Variants in MYCBP2 observed in about 807,000 individuals in gnomAD.
MYCBP2 encodes the protein MYC binding protein 2, also known as E3 ubiquitin-protein ligase MYCBP2.
MYCBP2 carries 120 observed loss-of-function variants against 525.3 expected under a neutral mutation model. The observed-to-expected ratio is 0.23, with a 90% CI of 0.20 to 0.27. The LOEUF is 0.27. MYCBP2 is among the 10% of genes least tolerant of loss of function. MYCBP2 has a pLI of 1.00. For missense variants in MYCBP2, 4,149 were observed against 5,657.1 expected (o/e 0.73, Z 8.55); for synonymous variants, 1,894 against 1,955.8 (o/e 0.97, Z 0.83).
intron 2 of MYCBP2, among the ~76,000 whole-genome samples, chr13:77,294,688 G>A (rs1365304518): frequency 6.6e-6 from 1 of 152,160 alleles, no homozygotes; most frequent in Non-Finnish European, 1.5e-5. Flanking sequence ...AGGGATAGAG[G>A]TTGGAATGAC....
chr13:77,305,134 T>C lies in MYCBP2; in HGVS notation c.303-8460A>G, dbSNP rs140293207. On this transcript the variant is annotated intron_variant, in intron 1 of 82. Coordinates refer to ENST00000544440, the MANE Select transcript of MYCBP2 (RefSeq NM_015057.5). ...ATCAATGTTAGACTCTTTTAGACAATATAAAAAGAAGAAACATTTCCCAAC... is the reference window on the plus strand; with the variant it reads ...ATCAATGTTAGACTCTTTTAGACAACATAAAAAGAAGAAACATTTCCCAAC... Among the ~76,000 whole-genome samples the C allele has an allele frequency of 8.7e-3, 1,326 of 152,074 alleles. 21 individuals are homozygous for C. The highest frequency in any genetic ancestry group is 0.03 in the African/African-American group (1,235 of 41,524).
chr13:77,121,577 G>A lies in MYCBP2; in HGVS notation c.8018-82C>T, dbSNP rs956330871. 1.0e-5 allele frequency: 13 copies of A among 1,293,276 alleles called. No homozygotes were observed. The African/African-American group carries it at 2.0e-4, about 20-fold the overall frequency. 80.1% of individuals were successfully genotyped at this position (1,293,276 alleles called of 1,614,324 possible). A position where few individuals can be genotyped will look rare whatever the true frequency, so the allele number is the denominator to read the frequency against. ...ACAACAAAGAGAGAAAATTGCAAAA[G>A]ATTTTATGATGGTTAGATTTTAAAA... On this transcript the variant is annotated intron_variant, in intron 54 of 82. Coordinates refer to ENST00000544440, the MANE Select transcript of MYCBP2 (RefSeq NM_015057.5).
At chr13:77,100,118 A>T (rs759327951) in intron 55 of MYCBP2, 3 of 152,088 alleles carry the variant, frequency 2.0e-5, no homozygotes, top group Non-Finnish European at 4.4e-5. Context: ...AAGTATTTAT[A>T]TTTTTTCAAA....
chr13:77,046,982 G>A (rs367752994), intron 82 of MYCBP2, among the ~76,000 whole-genome samples: 1 of 152,290 alleles, frequency 6.6e-6, no homozygotes, highest in East Asian at 1.9e-4. Flanking sequence ...TATCAATGGT[G>A]GTGACACAAA....
intron 28 of MYCBP2, among the ~76,000 whole-genome samples, chr13:77,190,660 T>C (rs957852109): frequency 6.6e-6 from 1 of 152,152 alleles, no homozygotes; most frequent in Non-Finnish European, 1.5e-5. Flanking sequence ...AGCTGCATGA[T>C]AAGCTTTAGC....
chr13:77,309,578 T>C (rs180864595), intron 1 of MYCBP2, among the ~76,000 whole-genome samples: 238 of 152,338 alleles, frequency 1.6e-3, no homozygotes, highest in African/African-American at 5.4e-3. Context: ...TCTATCTAGA[T>C]GAAAATCATT....
intron 78 of MYCBP2, 62 bp from the exon 79 acceptor site, chr13:77,057,155 G>T: frequency 8.3e-7 from 1 of 1,201,646 alleles, no homozygotes. Context: ...TTGAGTGACT[G>T]GGAGATTATT....
intron 52 of MYCBP2, among the ~76,000 whole-genome samples, chr13:77,128,011 C>A (rs947207088): frequency 2.6e-5 from 4 of 151,660 alleles, no homozygotes; most frequent in African/African-American, 9.7e-5. Flanking sequence ...GGAAATTTAA[C>A]GGAAATGAGA....
In MYCBP2 at chr13:77,326,410, CG is replaced by C; in HGVS notation, c.302+63del. 1 of 1,454,582 alleles carries C rather than the reference CG, an allele frequency of 6.9e-7. No homozygotes were observed. The highest frequency in any genetic ancestry group is 9.1e-7 in the Non-Finnish European group (1 of 1,100,446). 90.1% of individuals were successfully genotyped at this position (1,454,582 alleles called of 1,614,324 possible). A position where few individuals can be genotyped will look rare whatever the true frequency, so the allele number is the denominator to read the frequency against. On this transcript the variant is annotated intron_variant, in intron 1 of 82. Transcript: ENST00000544440. The surrounding 1 kb of genome is among the most constrained non-coding windows in gnomAD (Gnocchi z 4.2). The stretch of plus-strand genomic sequence containing the variant: ...GCAAGCACACACACACGCGGGTGCA[CG>C]CGCGGCATGGGGCGCAAGGAAGGGC...
At chr13:77,048,592 T>C (rs976992969) in intron 82 of MYCBP2, among the ~76,000 whole-genome samples, 11 of 152,174 alleles carry the variant, frequency 7.2e-5, no homozygotes. Flanking sequence ...AGAGTATACC[T>C]CAATCTCAGT....
At chr13:77,070,843 T>G in intron 68 of MYCBP2, 132 bp from the exon 69 acceptor site, 1 of 538,566 alleles carries the variant, frequency 1.9e-6, no homozygotes, top group Admixed American at 3.6e-5. Context: ...TTATTTTAAA[T>G]TGAGGCTTAT....
intron 55 of MYCBP2, among the ~76,000 whole-genome samples, chr13:77,108,434 A>G (rs1210357925): frequency 6.6e-6 from 1 of 152,194 alleles, no homozygotes; most frequent in East Asian, 1.9e-4. Flanking sequence ...AGAGACAGGT[A>G]TTGCTTCCCG....
chr13:77,299,110 T>C (rs906725466), intron 1 of MYCBP2, among the ~76,000 whole-genome samples: 12 of 152,202 alleles, frequency 7.9e-5, no homozygotes, highest in African/African-American at 2.9e-4. Context: ...GCCCCTTCTA[T>C]ATAACTTATA....
intron 21 of MYCBP2, among the ~76,000 whole-genome samples, chr13:77,215,832 T>C (rs1395539686): frequency 6.6e-6 from 1 of 152,188 alleles, no homozygotes; most frequent in Non-Finnish European, 1.5e-5. Flanking sequence ...CCTCCTACAC[T>C]GGCCTGCCAA....
Position 77,185,374 on chromosome 13 carries a change from G to T in MYCBP2, c.4448C>A (p.Thr1483Lys). ...YTCEIYPVSA[T>K]GKAVVEETSK... ...AGTTTCTTCTACAACTGCTTTTCCT[G>T]TAGCTTTGAGGGGGAAAAAGCAGAT... The change falls in exon 32 of 83, where the codon ACA (threonine) becomes AAA (lysine). Residue 1483 changes from threonine (T) to lysine (K), a missense_variant. Physicochemically the swap from Thr to Lys is moderately conservative, Grantham distance 78. Around this residue, in one of 21 missense-constraint regions of MYCBP2, gnomAD observed 292 missense variants for 330.5 expected, o/e 0.88. Transcript: ENST00000544440. 1 of 1,608,554 alleles carries T rather than the reference G, an allele frequency of 6.2e-7. No homozygotes were observed. The highest frequency in any genetic ancestry group is 8.5e-7 in the Non-Finnish European group (1 of 1,176,310).
At chr13:77,053,806 G>A (rs754200051) in intron 80 of MYCBP2, among the ~76,000 whole-genome samples, 13 of 152,072 alleles carry the variant, frequency 8.5e-5, no homozygotes, top group Non-Finnish European at 1.5e-4. Flanking sequence ...GCTACATTGG[G>A]AGACTATGCA....
chr13:77,225,975 C>T (rs2066201295), intron 18 of MYCBP2, among the ~76,000 whole-genome samples: 1 of 152,090 alleles, frequency 6.6e-6, no homozygotes, highest in Non-Finnish European at 1.5e-5. Context: ...TAAAAAATTG[C>T]TAATGGATTC....
chr13:77,311,553 A>G (rs2080212558), intron 1 of MYCBP2, among the ~76,000 whole-genome samples: 1 of 150,996 alleles, frequency 6.6e-6, no homozygotes, highest in Non-Finnish European at 1.5e-5. Flanking sequence ...AGGGAAAGAG[A>G]AGTTTTTTTT....
chr13:77,062,967 C>G (rs1288963125), intron 73 of MYCBP2, among the ~76,000 whole-genome samples: 1 of 152,164 alleles, frequency 6.6e-6, no homozygotes, highest in Non-Finnish European at 1.5e-5. Context: ...ATAAAATTAT[C>G]CTTTATTGGT....
Sources: allele counts gnomAD v4.1 joint callset (sites outside exome capture counted in the v4.1 genomes callset), GRCh38; gene constraint gnomAD v4.1.1; regional missense constraint gnomAD v4.1.1; non-coding constraint Gnocchi (gnomAD v3.1); transcripts MANE v1.5; gene names NCBI Gene and HGNC (gene_info 2026-07-23, HGNC 2026-07-21).